NBN: variants seen among roughly 807,000 people sequenced by gnomAD.
NBN encodes the protein nibrin, also known as Nijmegen breakage syndrome 1 (nibrin).
Under a neutral mutation model 90.8 loss-of-function variants are expected in NBN, and 88 were observed. That is an observed-to-expected ratio of 0.97 (90% CI 0.82 to 1.16). The LOEUF (loss-of-function observed/expected upper bound fraction) is 1.16, where lower values mean the gene tolerates loss of function less well. Among genes scored for constraint, NBN ranks in the 50% most tolerant of loss-of-function variants. The pLI is 0.00. For synonymous variants in NBN, 328 were observed against 295.1 expected (o/e 1.11, Z -1.14); for missense variants, 894 against 869.6 (o/e 1.03, Z -0.35).
At chr8:89,939,045 A>G (rs1389832573) in intron 14 of NBN, among the ~76,000 whole-genome samples, 9 of 152,184 alleles carry the variant, frequency 5.9e-5, no homozygotes, top group Non-Finnish European at 1.2e-4. Context: ...ACTACTACTC[A>G]CAGTCTTTCA....
chr8:89,982,856 C>T lies in NBN; in HGVS notation c.38-1G>A, dbSNP rs1812140936. ...CCAGTCAAAAGTCTGTATGGTTCTCCTGAGATAAATTTTTTTTTAAAAAAA... is the reference window on the plus strand; with the variant it reads ...CCAGTCAAAAGTCTGTATGGTTCTCTTGAGATAAATTTTTTTTTAAAAAAA... On this transcript the variant is annotated splice_acceptor_variant, in intron 1 of 15. Transcript: ENST00000265433. LOFTEE classifies it high-confidence loss of function. The T allele has an allele frequency of 1.2e-6, 2 of 1,613,112 alleles. No homozygotes were observed. The highest frequency in any genetic ancestry group is 1.7e-6 in the Non-Finnish European group (2 of 1,179,432).
intron 14 of NBN, 87 bp from the exon 15 acceptor site, chr8:89,937,162 T>G: frequency 7.7e-7 from 1 of 1,300,752 alleles, no homozygotes; most frequent in Non-Finnish European, 1.1e-6. Context: ...ACTGTCATCT[T>G]AGAGATTTCC....
intron 4 of NBN, among the ~76,000 whole-genome samples, chr8:89,979,667 TAAC>T (rs1253455485): frequency 3.9e-5 from 6 of 151,996 alleles, no homozygotes; most frequent in Admixed American, 6.6e-5. Flanking sequence ...AAAAAAAATA[TAAC>T]AACAAGGTTT....
At chr8:89,984,350 G>C in intron 1 of NBN, 175 bp downstream of exon 1, 1 of 677,310 alleles carries the variant, frequency 1.5e-6, no homozygotes, top group Non-Finnish European at 2.6e-6. Context: ...GCTCACAGCC[G>C]CCGTGCTGCC....
At chr8:89,940,798 TA>T (rs1255301639) in intron 14 of NBN, among the ~76,000 whole-genome samples, 3 of 152,224 alleles carry the variant, frequency 2.0e-5, no homozygotes, top group South Asian at 4.1e-4. Context: ...AAATGCTAAG[TA>T]AAAGAACCAT....
chr8:89,976,669 C>T (rs1446608734), intron 5 of NBN, among the ~76,000 whole-genome samples: 1 of 152,154 alleles, frequency 6.6e-6, no homozygotes, highest in East Asian at 1.9e-4. Context: ...GCCCAGCCCC[C>T]TAGCTCACTC....
At chr8:89,958,109 G>C (rs2129739441) in intron 9 of NBN, among the ~76,000 whole-genome samples, 1 of 152,192 alleles carries the variant, frequency 6.6e-6, no homozygotes, top group Middle Eastern at 3.4e-3. Flanking sequence ...CTCACAATAG[G>C]GTTTGTGCTC....
At chr8:89,952,519 A>G (rs926222451) in intron 11 of NBN, among the ~76,000 whole-genome samples, 1 of 152,184 alleles carries the variant, frequency 6.6e-6, no homozygotes, top group African/African-American at 2.4e-5. Flanking sequence ...GATACACACT[A>G]GGTTCTCAAC....
intron 12 of NBN, among the ~76,000 whole-genome samples, chr8:89,946,908 G>A (rs961665754): frequency 2.6e-5 from 4 of 152,168 alleles, no homozygotes; most frequent in East Asian, 3.9e-4. Flanking sequence ...TCTTGGCTTC[G>A]TGTCATTTAC....
chr8:89,967,273 T>C (rs539084702), intron 7 of NBN, among the ~76,000 whole-genome samples: 1 of 152,240 alleles, frequency 6.6e-6, no homozygotes, highest in Non-Finnish European at 1.5e-5. Flanking sequence ...TAGTGTCCTA[T>C]CCAAGGTTGG....
rs1060504930 is a variant in NBN at position 89,978,263 on chromosome 8, G to T, written c.541C>A (p.Leu181Met). 3 of 1,604,408 alleles carry T rather than the reference G, an allele frequency of 1.9e-6. No individual in the cohort carries two copies. The highest frequency in any genetic ancestry group is 2.6e-6 in the Non-Finnish European group (3 of 1,171,478). ...TGCTTCTTGGACTCAACTGCTTTCA[G>T]GAATTCAGTAAAATATTCTGGCTTT... is the stretch of plus-strand genomic sequence containing the variant. ...IVKPEYFTEF[L>M]KAVESKKQPP... The change falls in exon 5 of 16, where the codon CTG (leucine) becomes ATG (methionine). Residue 181 changes from leucine (L) to methionine (M), a missense_variant. Physicochemically the swap from Leu to Met is conservative, Grantham distance 15 (BLOSUM62 2). Transcript: ENST00000265433.
At chr8:89,976,054 G>A (rs117088522) in intron 5 of NBN, among the ~76,000 whole-genome samples, 2,007 of 152,106 alleles carry the variant, frequency 0.013, 26 homozygotes, top group Non-Finnish European at 0.019. Flanking sequence ...TGCAGAGGTG[G>A]GATCTCAGCT....
intron 14 of NBN, 132 bp downstream of exon 14, chr8:89,943,121 T>A: frequency 1.2e-6 from 1 of 861,286 alleles, no homozygotes; most frequent in Admixed American, 2.0e-5. Context: ...GCTCTGTAAC[T>A]CAGGAATGCT....
intron 5 of NBN, among the ~76,000 whole-genome samples, chr8:89,976,434 G>T (rs781143377): frequency 2.0e-5 from 3 of 152,170 alleles, no homozygotes; most frequent in Admixed American, 6.5e-5. Flanking sequence ...GTTAGATAAC[G>T]GGATGTTAAG....
rs1348463766 is a variant in NBN, at chr8:89,968,938, T to G, written c.896+1426A>C. Among the ~76,000 whole-genome samples the G allele has an allele frequency of 2.0e-5, 3 of 152,234 alleles. No individual in the cohort carries two copies. In the East Asian group the frequency reaches 5.8e-4, roughly 29 times the overall value. ...TTTGTTATATAGTATATCTTCTTTT[T>G]TACAGTAGTTAATATATCTCAATTA... On this transcript the variant is annotated intron_variant, in intron 7 of 15. Coordinates refer to ENST00000265433, the MANE Select transcript of NBN (RefSeq NM_002485.5).
rs768670249 is a variant in NBN at position 89,943,372 on chromosome 8, G to A, written c.2071-6C>T. 4 of 1,600,022 alleles carry A rather than the reference G, an allele frequency of 2.5e-6. No individual in the cohort carries two copies. On this transcript the variant is annotated splice_region_variant and splice_polypyrimidine_tract_variant and intron_variant, in intron 13 of 15. Transcript: ENST00000265433. ...CCTGCTCCAGGATATGTGACCTATT[G>A]AATAATAAAAGTAGTACAGTAAATC...
intron 2 of NBN, 25 bp downstream of exon 2, chr8:89,982,697 T>C: frequency 1.3e-6 from 2 of 1,596,374 alleles, no homozygotes; most frequent in Non-Finnish European, 1.7e-6. Context: ...TACTGGAAAC[T>C]AGTGAAATAA....
intron 9 of NBN, among the ~76,000 whole-genome samples, 192 bp downstream of exon 9, chr8:89,958,533 C>T (rs187849334): frequency 2.1e-4 from 32 of 152,258 alleles, no homozygotes; most frequent in African/African-American, 7.2e-4. Flanking sequence ...TCTTCAAAGC[C>T]GAAAATAACT....
chr8:89,951,771 T>A (rs1450489593), intron 11 of NBN, among the ~76,000 whole-genome samples: 1 of 151,210 alleles, frequency 6.6e-6, no homozygotes, highest in Admixed American at 6.6e-5. Context: ...AAAAAAAACC[T>A]CTGTCTCTGA....
Sources: gnomAD v4.1 joint callset for allele counts (sites outside exome capture counted in the v4.1 genomes callset) on GRCh38, gnomAD v4.1.1 for gene constraint, MANE v1.5 for transcripts, NCBI Gene and HGNC (gene_info 2026-07-23, HGNC 2026-07-21) for gene names.